Variants in ELMO2 observed in about 807,000 individuals in gnomAD.
ELMO2 encodes the protein engulfment and cell motility 2.
Under a neutral mutation model 96.2 loss-of-function variants are expected in ELMO2, and 37 were observed. The ratio of observed to expected loss-of-function variants is 0.38; its 90% CI spans 0.30 to 0.51. The LOEUF (loss-of-function observed/expected upper bound fraction) is 0.51, where lower values mean the gene tolerates loss of function less well. Among genes scored for constraint, ELMO2 ranks in the 20% least tolerant of loss-of-function variants. ELMO2 has a pLI of 0.88. For synonymous variants in ELMO2, 315 were observed against 329.4 expected, an observed-to-expected ratio of 0.96 and a Z score of 0.47; for missense variants, 561 against 912.6, an observed-to-expected ratio of 0.61 and a Z score of 4.96.
chr20:46,405,626 G>A (rs2060422080), intron 1 of ELMO2, among the ~76,000 whole-genome samples: 2 of 152,002 alleles, frequency 1.3e-5, no homozygotes, highest in African/African-American at 2.4e-5. Context: ...GGTGGCTCAC[G>A]CCTGTAATCC....
Position 46,394,077 on chromosome 20 carries a change from C to T in ELMO2, c.91G>A (p.Ala31Thr). ...TCACAAACTTCCTTGATAATGGATG[C>T]CAGGGGCCGTTTCTGAAAGAGAGAG... ...LLEIDQKRPL[A>T]SIIKEVCDGW... is the part of the protein sequence containing the mutation. Residue 31 changes from alanine (A) to threonine (T), a missense_variant, in exon 4 of 22, where the codon GCA (alanine) becomes ACA (threonine). Ala to Thr is a moderately conservative substitution (Grantham distance 58, BLOSUM62 0). Coordinates refer to ENST00000290246, the MANE Select transcript of ELMO2 (RefSeq NM_133171.5). The T allele has an allele frequency of 6.2e-7, 1 of 1,613,842 alleles. No individual in the cohort carries two copies. Among genetic ancestry groups the T allele is most frequent in the Non-Finnish European group, 8.5e-7 (1 of 1,179,816 alleles).
At chr20:46,374,719 C>G in intron 13 of ELMO2, 79 bp from the exon 14 acceptor site, 1 of 1,264,784 alleles carries the variant, frequency 7.9e-7, no homozygotes, top group Non-Finnish European at 1.1e-6. Context: ...CCTCTCGCCT[C>G]TCCTCTTGAT....
chr20:46,376,648 A>G (rs2059864897), intron 11 of ELMO2: 2 of 1,289,200 alleles, frequency 1.6e-6, no homozygotes, highest in Admixed American at 2.3e-5. Context: ...CACTCCCACA[A>G]TATCCTGCTT....
At chr20:46,376,566 T>A in intron 11 of ELMO2, 2 of 1,232,312 alleles carry the variant, frequency 1.6e-6, no homozygotes, top group East Asian at 5.7e-5. Context: ...TTCTCTTGCA[T>A]GCTATGTCTC....
intron 16 of ELMO2, among the ~76,000 whole-genome samples, chr20:46,372,336 G>C (rs1434949206): frequency 1.3e-5 from 2 of 152,228 alleles, no homozygotes; most frequent in African/African-American, 4.8e-5. Flanking sequence ...TCTCCTGATA[G>C]GTGTTGCCAT....
Position 46,369,115 on chromosome 20 carries a change from G to A in ELMO2, c.1885-147C>T, listed in dbSNP as rs2145752334. ...TCAATGCTCCTAGGCGGCCACAAGTGTGGCTGGAGATGAGGCCCAGCATAA... is the reference window on the plus strand; with the variant it reads ...TCAATGCTCCTAGGCGGCCACAAGTATGGCTGGAGATGAGGCCCAGCATAA... On this transcript the variant is annotated intron_variant, in intron 20 of 21. Transcript: ENST00000290246. 5.6e-6 allele frequency: 4 copies of A among 714,524 alleles called. No homozygotes were observed. In the South Asian group the frequency reaches 7.1e-5, roughly 13 times the overall value. The allele number at this position is 714,524 out of a possible 1,614,324, so 44.3% of individuals were successfully genotyped here.
rs1158256641 is a variant in ELMO2, at chr20:46,374,443, G to A, written c.1171-3C>T. ...CGGCTACTGTTCTCCAAGACAATCT[G>A]TCGGGGGAAGAGAAAGGGAGGATTA... On this transcript the variant is annotated splice_region_variant and splice_polypyrimidine_tract_variant and intron_variant, in intron 14 of 21. Transcript: ENST00000290246. 1 of 1,613,922 alleles carries A rather than the reference G, an allele frequency of 6.2e-7. No homozygotes were observed. Among genetic ancestry groups the A allele is most frequent in the African/African-American group, 1.3e-5 (1 of 74,910 alleles).
At chr20:46,369,692 C>A (rs1437076733) in intron 20 of ELMO2, 1 of 156,240 alleles carries the variant, frequency 6.4e-6, no homozygotes, top group East Asian at 1.9e-4. Flanking sequence ...ATGACACTGG[C>A]CAGGAAAAAA....
intron 2 of ELMO2, among the ~76,000 whole-genome samples, chr20:46,397,076 T>A (rs2145849889): frequency 6.6e-6 from 1 of 152,334 alleles, no homozygotes; most frequent in East Asian, 1.9e-4. Flanking sequence ...TTATAGCTAT[T>A]ATTTTCTCTT....
chr20:46,403,578 T>C (rs1490449837), intron 1 of ELMO2, among the ~76,000 whole-genome samples: 1 of 152,200 alleles, frequency 6.6e-6, no homozygotes, highest in Non-Finnish European at 1.5e-5. Context: ...AGACAGCCAC[T>C]TTGCAGCCTC....
intron 8 of ELMO2, among the ~76,000 whole-genome samples, chr20:46,387,056 G>C (rs139953297): frequency 1.3e-5 from 2 of 152,296 alleles, no homozygotes; most frequent in Non-Finnish European, 2.9e-5. Context: ...GCTAGTACTG[G>C]TTGACTGGCT....
chr20:46,376,582 G>A (rs573936200), intron 11 of ELMO2: 1 of 1,272,176 alleles, frequency 7.9e-7, no homozygotes, highest in South Asian at 1.2e-5. Flanking sequence ...GTCTCCCTCG[G>A]TCTGTCCTAG....
intron 1 of ELMO2, among the ~76,000 whole-genome samples, chr20:46,405,373 A>C (rs1474244622): frequency 6.6e-6 from 1 of 152,122 alleles, no homozygotes; most frequent in African/African-American, 2.4e-5. Flanking sequence ...AGGGAGGAGG[A>C]ATACTAAATA....
In ELMO2 at chr20:46,389,077, C is replaced by T. The variant is rs756537412; in HGVS notation, c.387G>A (p.Leu129=). The change falls in exon 7 of 22, where the codon CTG becomes CTA. Residue 129 remains leucine, a synonymous_variant. Coordinates refer to ENST00000290246, the MANE Select transcript of ELMO2 (RefSeq NM_133171.5). Reference sequence around the variant, plus strand: ...TGGTTCCACTTTCCACGAGCCTTGTCAGCACAATGATGCCATCCATGTTGA... The same window carrying T: ...TGGTTCCACTTTCCACGAGCCTTGTTAGCACAATGATGCCATCCATGTTGA... ...EFINMDGIIV[L]TRLVESGTKL... 1 of 1,613,978 alleles carries T rather than the reference C, an allele frequency of 6.2e-7. No individual in the cohort carries two copies. Among genetic ancestry groups the T allele is most frequent in the African/African-American group, 1.3e-5 (1 of 74,914 alleles).
intron 1 of ELMO2, among the ~76,000 whole-genome samples, chr20:46,400,718 G>C (rs1600895118): frequency 6.6e-6 from 1 of 152,344 alleles, no homozygotes; most frequent in East Asian, 1.9e-4. Flanking sequence ...AGAATGAAAG[G>C]CCAGTTTTTC....
At chr20:46,389,579 C>T (rs564532535) in intron 6 of ELMO2, among the ~76,000 whole-genome samples, 3 of 152,108 alleles carry the variant, frequency 2.0e-5, no homozygotes, top group East Asian at 1.9e-4. Flanking sequence ...TTGCTGGGTG[C>T]GTGGCTCATG....
chr20:46,393,072 T>C (rs2145838795), intron 6 of ELMO2, 21 bp downstream of exon 6: 9 of 1,611,252 alleles, frequency 5.6e-6, no homozygotes, highest in Non-Finnish European at 7.6e-6. Flanking sequence ...AATAAACTCC[T>C]AAGGAAGAAA....
At position 46,384,597 on chromosome 20, in the gene ELMO2, G is replaced by T. The variant is rs115853824; in HGVS notation, c.678-1103C>A. ...TAGATGTGAGGTTACAGGAAAATCA[G>T]AATTCTCTATCTGGAGTTTATAATG... On this transcript the variant is annotated intron_variant, in intron 9 of 21. Coordinates refer to ENST00000290246, the MANE Select transcript of ELMO2 (RefSeq NM_133171.5). Among the ~76,000 whole-genome samples the T allele has an allele frequency of 8.5e-3, 1,288 of 152,022 alleles. 19 individuals carry two copies. Among genetic ancestry groups the T allele is most frequent in the African/African-American group, 0.029 (1,222 of 41,442 alleles).
At position 46,386,243 on chromosome 20, in the gene ELMO2, G is replaced by A. The variant is rs780696055; in HGVS notation, c.558C>T (p.Asp186=). The change falls in exon 9 of 22, where the codon GAC becomes GAT. Residue 186 remains aspartate, a synonymous_variant. Coordinates refer to ENST00000290246, the MANE Select transcript of ELMO2 (RefSeq NM_133171.5). The stretch of plus-strand genomic sequence containing the variant: ...CCAGGGACCTCTGAAGGATTGACAC[G>A]TCCACCATGGGCTGGCTCACATACC... ...IAGYVSQPMV[D]VSILQRSLAI... is the part of the protein sequence containing the mutation. 2.1e-5 allele frequency: 34 copies of A among 1,613,886 alleles called. No homozygotes were observed. The highest frequency in any genetic ancestry group is 1.1e-4 in the South Asian group (10 of 91,076).
Sources: gnomAD v4.1 joint callset for allele counts (sites outside exome capture counted in the v4.1 genomes callset) on GRCh38, gnomAD v4.1.1 for gene constraint, MANE v1.5 for transcripts, NCBI Gene and HGNC (gene_info 2026-07-23, HGNC 2026-07-21) for gene names.